The following JAKMIP3 variants were observed in gnomAD, a reference collection of about 807,000 sequenced individuals.
The protein encoded by JAKMIP3 is janus kinase and microtubule-interacting protein 3.
A neutral mutation model predicts 118.5 loss-of-function variants in JAKMIP3; 58 were observed. The observed-to-expected ratio is 0.49, with a 90% CI of 0.40 to 0.61. The LOEUF is 0.61. Among genes scored for constraint, JAKMIP3 ranks in the 20% least tolerant of loss-of-function variants. The pLI is 0.00. For synonymous variants in JAKMIP3, 486 were observed against 451.2 expected (o/e 1.08, Z -0.98); for missense variants, 950 against 1,109.0 (o/e 0.86, Z 2.04).
intron 1 of JAKMIP3, among the ~76,000 whole-genome samples, chr10:132,087,185 G>T (rs1212759207): frequency 1.3e-5 from 2 of 152,126 alleles, no homozygotes; most frequent in African/African-American, 2.4e-5. Context: ...TGAAGATAGG[G>T]CACCAATCCA....
chr10:132,121,660 G>C (rs2048556106), intron 3 of JAKMIP3, among the ~76,000 whole-genome samples: 2 of 152,194 alleles, frequency 1.3e-5, no homozygotes, highest in Admixed American at 6.5e-5. Flanking sequence ...TGGGAGGGTG[G>C]TATCTGAGTC....
At chr10:132,068,512 T>A (rs1180012587) in intron 1 of JAKMIP3, among the ~76,000 whole-genome samples, 2 of 151,644 alleles carry the variant, frequency 1.3e-5, no homozygotes, top group Non-Finnish European at 2.9e-5. Context: ...ATGAACCTCT[T>A]GGGCAGGTGT....
chr10:132,065,118 A>C (rs1181369970), upstream of JAKMIP3, among the ~76,000 whole-genome samples: 2 of 152,120 alleles, frequency 1.3e-5, no homozygotes, highest in Admixed American at 6.5e-5. The surrounding 1 kb of genome is among the most constrained non-coding windows in gnomAD (Gnocchi z 5.6). Context: ...CAGGAGCTTC[A>C]GGCCACCCGC....
chr10:132,135,828 G>A (rs889746029), intron 5 of JAKMIP3, 102 bp from the exon 6 acceptor site: 3 of 1,271,676 alleles, frequency 2.4e-6, no homozygotes, highest in Non-Finnish European at 3.3e-6. Context: ...GCTGGGGACT[G>A]CGTTGTTGCA....
intron 1 of JAKMIP3, among the ~76,000 whole-genome samples, chr10:132,077,071 C>T (rs1375636252): frequency 6.6e-6 from 1 of 152,214 alleles, no homozygotes; most frequent in Non-Finnish European, 1.5e-5. Context: ...GCAGCCTCCA[C>T]CCCAGCGTGT....
At chr10:132,131,296 G>A (rs1244058941) in intron 3 of JAKMIP3, among the ~76,000 whole-genome samples, 4 of 150,580 alleles carry the variant, frequency 2.7e-5, no homozygotes, top group Admixed American at 6.6e-5. Flanking sequence ...GGGCTGGGGA[G>A]ATAGGAGCTT....
At chr10:132,158,096 G>A (rs968208529) in intron 19 of JAKMIP3, among the ~76,000 whole-genome samples, 8 of 23,488 alleles carry the variant, frequency 3.4e-4, no homozygotes, top group South Asian at 1.1e-3. Flanking sequence ...GCCCCGCCCC[G>A]CCCCGCCCCC....
At chr10:132,107,417 G>T (rs1345798866) in intron 2 of JAKMIP3, among the ~76,000 whole-genome samples, 1 of 152,214 alleles carries the variant, frequency 6.6e-6, no homozygotes, top group Non-Finnish European at 1.5e-5. Context: ...GCGTCTGAGG[G>T]CTGCAACCCA....
Position 132,182,494 on chromosome 10 carries a change from C to A in JAKMIP3, c.*1241C>A, listed in dbSNP as rs1436192468. ...CTGCAGATGGAACTTCTGTGTCCTC[C>A]CACCCTAGGTGGGCTAAGGTTCTGC... is the stretch of plus-strand genomic sequence containing the variant. On this transcript the variant is annotated 3_prime_UTR_variant, in exon 24 of 24. Transcript: ENST00000684848. The A allele has an allele frequency of 6.6e-6, 1 of 152,214 alleles. No homozygotes were observed. Among genetic ancestry groups the A allele is most frequent in the Non-Finnish European group, 1.5e-5 (1 of 68,042 alleles). 9.4% of individuals were successfully genotyped at this position (152,214 alleles called of 1,614,324 possible). A position where few individuals can be genotyped will look rare whatever the true frequency, so the allele number is the denominator to read the frequency against.
intron 23 of JAKMIP3, among the ~76,000 whole-genome samples, chr10:132,180,788 T>TGTGTGTGTGC (rs1491365450): frequency 0.021 from 227 of 10,726 alleles, 83 homozygotes; most frequent in Non-Finnish European, 0.036. Context: ...TGTGTGCGCG[T>TGTGTGTGTGC]ATGCATGTGC....
intron 1 of JAKMIP3, among the ~76,000 whole-genome samples, chr10:132,046,622 C>T (rs1200009970): frequency 6.6e-6 from 1 of 152,162 alleles, no homozygotes; most frequent in Non-Finnish European, 1.5e-5. Flanking sequence ...TATCCATTCT[C>T]CTAGTTTAGG....
At chr10:132,058,538 C>T (rs2038307793) in intron 1 of JAKMIP3, among the ~76,000 whole-genome samples, 1 of 152,206 alleles carries the variant, frequency 6.6e-6, no homozygotes, top group East Asian at 1.9e-4. Context: ...ACCCTCCTCC[C>T]CGGAGGCCGC....
At chr10:132,129,383 C>T (rs1032458451) in intron 3 of JAKMIP3, among the ~76,000 whole-genome samples, 2 of 152,200 alleles carry the variant, frequency 1.3e-5, no homozygotes, top group African/African-American at 4.8e-5. Flanking sequence ...TCCTGCAAGG[C>T]CTCTGGGAGT....
intron 1 of JAKMIP3, among the ~76,000 whole-genome samples, chr10:132,089,608 G>A (rs2042861352): frequency 6.6e-6 from 1 of 152,186 alleles, no homozygotes; most frequent in African/African-American, 2.4e-5. Context: ...GAGATTTGGG[G>A]CTGAGACAGT....
At chr10:132,174,005 G>C (rs1349731667) in intron 23 of JAKMIP3, among the ~76,000 whole-genome samples, 2 of 148,718 alleles carry the variant, frequency 1.3e-5, no homozygotes, top group Non-Finnish European at 3.0e-5. Context: ...CTGTGGTAGT[G>C]TGTGGTGTGT....
intron 1 of JAKMIP3, among the ~76,000 whole-genome samples, chr10:132,057,411 C>T (rs1167110018): frequency 6.6e-6 from 1 of 152,336 alleles, no homozygotes; most frequent in African/African-American, 2.4e-5. Context: ...CAGAGCCCAG[C>T]GTGGGCAGGA....
At chr10:132,064,997 T>TG (rs2038599165), upstream of JAKMIP3, among the ~76,000 whole-genome samples, 1 of 152,024 alleles carries the variant, frequency 6.6e-6, no homozygotes, top group African/African-American at 2.4e-5. This position sits in a 1 kb window ranked among gnomAD's most constrained non-coding sequence, Gnocchi z 4.4. Context: ...GCAGGGGGGA[T>TG]GTAGGGTCCT....
At position 132,118,017 on chromosome 10, in the gene JAKMIP3, G is replaced by A. The variant is rs1308175810; in HGVS notation, c.633+443G>A. Among the ~76,000 whole-genome samples, 2 of 152,150 alleles carry A rather than the reference G, an allele frequency of 1.3e-5. No homozygotes were observed. The highest frequency in any genetic ancestry group is 4.8e-5 in the African/African-American group (2 of 41,424). On this transcript the variant is annotated intron_variant, in intron 3 of 23. Coordinates refer to ENST00000684848, the MANE Select transcript of JAKMIP3 (RefSeq NM_001323087.2). The surrounding 1 kb of genome is among the most constrained non-coding windows in gnomAD (Gnocchi z 4.8). ...GCAGGAGTCCCACACATCCTCACGG[G>A]GGGACTCAGAGGGAATTCTCCAGTG... is the stretch of plus-strand genomic sequence containing the variant.
Position 132,137,022 on chromosome 10 carries a change from CAG to C in JAKMIP3, c.1125_1126del (p.Arg375SerfsTer12), listed in dbSNP as rs778695201. 1.9e-6 allele frequency: 3 copies of C among 1,613,246 alleles called. No homozygotes were observed. Among genetic ancestry groups the C allele is most frequent in the East Asian group, 2.2e-5 (1 of 44,880 alleles). On this transcript the variant is annotated frameshift_variant, in exon 7 of 24. Coordinates refer to ENST00000684848, the MANE Select transcript of JAKMIP3 (RefSeq NM_001323087.2). LOFTEE classifies it high-confidence loss of function. ...FVTQENIEMR[Q>X]RAGIIRRPSS... is the part of the protein sequence containing the mutation. ...TGTGGGCTGCTTGGCGTTTCAGAGA[CAG>C]AGAGCTGGAATCATACGGAGACCCA...
Sources: allele counts gnomAD v4.1 joint callset (sites outside exome capture counted in the v4.1 genomes callset), GRCh38; gene constraint gnomAD v4.1.1; non-coding constraint Gnocchi (gnomAD v3.1); transcripts MANE v1.5; gene names NCBI Gene and HGNC (gene_info 2026-07-23, HGNC 2026-07-21).